Variants in MTMR10 observed in about 807,000 individuals in gnomAD.
MTMR10 encodes myotubularin-related protein 10.
A neutral mutation model predicts 88.1 loss-of-function variants in MTMR10; 56 were observed. The observed-to-expected ratio is 0.64, with a 90% CI of 0.51 to 0.79. The LOEUF is 0.79. Among genes scored for constraint, MTMR10 ranks in the 30% least tolerant of loss-of-function variants. The probability of loss-of-function intolerance (pLI) is 0.00; values close to 1 mark genes in which losing one functional copy is unlikely to be tolerated. For missense variants in MTMR10, 883 were observed against 924.7 expected (o/e 0.95, Z 0.58); for synonymous variants, 380 against 340.9 (o/e 1.11, Z -1.26).
At chr15:30,934,084 T>G (rs1470848012), downstream of MTMR10, among the ~76,000 whole-genome samples, 1 of 152,178 alleles carries the variant, frequency 6.6e-6, no homozygotes, top group East Asian at 1.9e-4. Flanking sequence ...TTGCTTCATG[T>G]ATTTTGAAGG....
rs370720123 is a variant in MTMR10, at chr15:30,942,045, T to G, written c.1759A>C (p.Met587Leu). The change falls in exon 16 of 16, where the codon ATG becomes CTG. Residue 587 changes from methionine (M) to leucine (L), a missense_variant. Coordinates refer to ENST00000435680, the MANE Select transcript of MTMR10 (RefSeq NM_017762.3). ...ATTCCATTCTTTAAGGCAGACGGCA[T>G]TCCTCTTAGTGTGGAGCTGTAGCTT... Reference protein sequence around the residue: ...KKSYSSTLRGMPSALKNGIIS... With the variant: ...KKSYSSTLRGLPSALKNGIIS... 42 of 1,613,880 alleles carry G rather than the reference T, an allele frequency of 2.6e-5. No homozygotes were observed. Among genetic ancestry groups the G allele is most frequent in the Non-Finnish European group, 3.5e-5 (41 of 1,179,862 alleles).
chr15:30,947,583 A>G (rs1056104827), intron 13 of MTMR10, among the ~76,000 whole-genome samples: 18 of 152,342 alleles, frequency 1.2e-4, no homozygotes, highest in African/African-American at 4.3e-4. Flanking sequence ...GAAGAGCAAA[A>G]TATGTGTTTA....
intron 2 of MTMR10, among the ~76,000 whole-genome samples, chr15:30,984,578 A>G (rs191158041): frequency 1.2e-4 from 19 of 152,336 alleles, no homozygotes; most frequent in Admixed American, 1.2e-3. Context: ...TGAGACAGAA[A>G]ACAAGAACAG....
Position 30,939,969 on chromosome 15 carries a change from G to A in MTMR10, c.*1501C>T. On this transcript the variant is annotated 3_prime_UTR_variant, in exon 16 of 16. Coordinates refer to ENST00000435680, the MANE Select transcript of MTMR10 (RefSeq NM_017762.3). ...GAACTCCTGTCCTGTTATATCCAGA[G>A]ACATTATCAAATTTTAAAAGGCAAA... is the stretch of plus-strand genomic sequence containing the variant. 1 of 982,220 alleles carries A rather than the reference G, an allele frequency of 1.0e-6. No homozygotes were observed. The highest frequency in any genetic ancestry group is 1.2e-6 in the Non-Finnish European group (1 of 827,062). 60.8% of individuals were successfully genotyped at this position (982,220 alleles called of 1,614,324 possible).
chr15:30,946,822 A>AC, intron 14 of MTMR10: 1 of 688,756 alleles, frequency 1.5e-6, no homozygotes, highest in East Asian at 2.7e-5. Context: ...GTTTTTTACT[A>AC]CCCAATAGCC....
At chr15:30,920,709 T>C in the MTMR10 span, 4 of 1,005,314 alleles carry the variant, frequency 4.0e-6, 1 homozygote, top group Admixed American at 8.6e-5. Context: ...GTTAAACATG[T>C]GAAGGGACAG....
chr15:30,990,403 G>A (rs986531540), intron 2 of MTMR10, among the ~76,000 whole-genome samples: 1 of 152,194 alleles, frequency 6.6e-6, no homozygotes, highest in South Asian at 2.1e-4. Flanking sequence ...TGCCAAGCAA[G>A]TAATTCAAAG....
intron 5 of MTMR10, among the ~76,000 whole-genome samples, chr15:30,971,421 T>C (rs940041493): frequency 6.6e-5 from 10 of 152,146 alleles, no homozygotes; most frequent in African/African-American, 2.2e-4. Context: ...TCAAACCTCA[T>C]TAAGTTCTAT....
At chr15:30,954,676 A>T in intron 10 of MTMR10, 87 bp downstream of exon 10, 1 of 1,273,752 alleles carries the variant, frequency 7.9e-7, no homozygotes, top group Middle Eastern at 2.0e-4. Flanking sequence ...ATCTATTTCT[A>T]CATTTTTAAG....
the MTMR10 span, chr15:30,926,647 T>G: frequency 1.0e-6 from 1 of 985,140 alleles, no homozygotes; most frequent in Non-Finnish European, 1.2e-6. Context: ...CAAATGCCAG[T>G]GAAGACAGAG....
chr15:30,942,102 G>C, intron 15 of MTMR10, 30 bp from the exon 16 acceptor site: 1 of 1,578,560 alleles, frequency 6.3e-7, no homozygotes, highest in Non-Finnish European at 8.6e-7. Context: ...TTATGTTCCG[G>C]GGATTCCCTT....
the MTMR10 span, chr15:30,927,148 G>A: frequency 1.2e-5 from 11 of 922,286 alleles, no homozygotes; most frequent in African/African-American, 1.8e-4. Context: ...GGTCAAGGCT[G>A]CAGTGAGCCA....
rs942108365 is a variant in MTMR10, at chr15:30,947,232, C to T, written c.1446G>A (p.Glu482=). 1 of 1,613,832 alleles carries T rather than the reference C, an allele frequency of 6.2e-7. No individual in the cohort carries two copies. Residue 482 remains glutamate (E), a synonymous_variant, in exon 14 of 16, where the codon GAG becomes GAA. Coordinates refer to ENST00000435680, the MANE Select transcript of MTMR10 (RefSeq NM_017762.3). Reference sequence around the variant, plus strand: ...ACACTGCCAGGTAGGTTTCGGAGAACTCAAAAGCTGCAGGATATTGTTCTA... The same window carrying T: ...ACACTGCCAGGTAGGTTTCGGAGAATTCAAAAGCTGCAGGATATTGTTCTA... The part of the protein sequence containing the change: ...QLLEQYPAAF[E]FSETYLAVLY...
intron 10 of MTMR10, among the ~76,000 whole-genome samples, chr15:30,954,172 C>T (rs116118517): frequency 6.6e-6 from 1 of 152,296 alleles, no homozygotes; most frequent in African/African-American, 2.4e-5. Context: ...CCCTGCCCCG[C>T]CCCTGCAAGG....
At chr15:30,932,716 CTTT>C in the MTMR10 span, among the ~76,000 whole-genome samples, 7 of 134,372 alleles carry the variant, frequency 5.2e-5, no homozygotes, top group Admixed American at 4.6e-4. Context: ...TGTTTCTTTT[CTTT>C]TTTTTTTTTT....
the MTMR10 span, chr15:30,925,903 G>T: frequency 6.2e-7 from 1 of 1,614,114 alleles, no homozygotes; most frequent in Non-Finnish European, 8.5e-7. Context: ...GGAGGAGCTG[G>T]CACTGGCCCA....
intron 9 of MTMR10, chr15:30,956,357 G>A (rs747920073): frequency 6.6e-6 from 1 of 152,198 alleles, no homozygotes; most frequent in Non-Finnish European, 1.5e-5. Flanking sequence ...GCAAGTGGGG[G>A]GTTGACATTC....
At chr15:30,937,249 T>G, downstream of MTMR10, 1 of 1,612,646 alleles carries the variant, frequency 6.2e-7, no homozygotes, top group Non-Finnish European at 8.5e-7. Context: ...AGCCAAAGCC[T>G]TAGCTAAAAG....
intron 14 of MTMR10, 52 bp downstream of exon 14, chr15:30,947,078 G>C: frequency 6.6e-7 from 1 of 1,525,734 alleles, no homozygotes. Flanking sequence ...ATTATGCCTC[G>C]ATAAAGTTGT....
Sources: gnomAD v4.1 joint callset for allele counts (sites outside exome capture counted in the v4.1 genomes callset) on GRCh38, gnomAD v4.1.1 for gene constraint, MANE v1.5 for transcripts, NCBI Gene and HGNC (gene_info 2026-07-23, HGNC 2026-07-21) for gene names.